Variants in CLIP1 observed in about 807,000 individuals in gnomAD.
The protein encoded by CLIP1 is CAP-Gly domain-containing linker protein 1.
CLIP1 carries 66 observed loss-of-function variants against 161.6 expected under a neutral mutation model. That is an observed-to-expected ratio of 0.41 (90% CI 0.33 to 0.50). CLIP1 has a LOEUF of 0.50. CLIP1 is among the 20% of genes least tolerant of loss of function. The pLI is 0.27. For synonymous variants in CLIP1, 598 were observed against 626.2 expected (o/e 0.96, Z 0.67); for missense variants, 1,376 against 1,702.0 (o/e 0.81, Z 3.37).
chr12:122,334,965 A>G (rs1017123541), intron 12 of CLIP1, among the ~76,000 whole-genome samples: 1 of 152,210 alleles, frequency 6.6e-6, no homozygotes, highest in African/African-American at 2.4e-5. Context: ...CCATGTAGGC[A>G]TGTTCGTACT....
At chr12:122,373,813 G>A (rs1272142130) in intron 3 of CLIP1, among the ~76,000 whole-genome samples, 9 of 151,992 alleles carry the variant, frequency 5.9e-5, no homozygotes, top group Admixed American at 2.6e-4. Context: ...TACAATCTAC[G>A]AAAGCATATT....
intron 10 of CLIP1, among the ~76,000 whole-genome samples, chr12:122,344,269 A>G (rs922483539): frequency 6.6e-6 from 1 of 152,236 alleles, no homozygotes; most frequent in Non-Finnish European, 1.5e-5. Flanking sequence ...TAAATATTTC[A>G]GAGCTGACTA....
chr12:122,357,568 G>GC (rs371070482), intron 5 of CLIP1, among the ~76,000 whole-genome samples: 29 of 129,696 alleles, frequency 2.2e-4, no homozygotes, highest in African/African-American at 3.9e-4. Flanking sequence ...GGGGGGGTCA[G>GC]CCCCCCCCGC....
intron 20 of CLIP1, among the ~76,000 whole-genome samples, chr12:122,289,828 G>C (rs1437728323): frequency 8.2e-6 from 1 of 122,244 alleles, no homozygotes; most frequent in Non-Finnish European, 1.8e-5. Flanking sequence ...TTTCTTTTTT[G>C]ATACAGAGTC....
rs1592976172 is a variant in CLIP1, at chr12:122,286,498, G to A, written c.3647+1991C>T. Among the ~76,000 whole-genome samples, 4 of 127,238 alleles carry A rather than the reference G, an allele frequency of 3.1e-5. No individual in the cohort carries two copies. The South Asian group carries it at 1.1e-3, about 35-fold the overall frequency. The allele number at this position is 127,238 out of a possible 152,430, so 83.5% of individuals were successfully genotyped here. A position where few individuals can be genotyped will look rare whatever the true frequency, so the allele number is the denominator to read the frequency against. ...ATCGCGCCACTGCACTCCAGCCTGG[G>A]TGATAGAGCAAGACTCTGTCTTAAA... On this transcript the variant is annotated intron_variant, in intron 21 of 25. Coordinates refer to ENST00000620786, the MANE Select transcript of CLIP1 (RefSeq NM_001247997.2).
intron 2 of CLIP1, among the ~76,000 whole-genome samples, chr12:122,379,069 G>A (rs1380077525): frequency 1.2e-4 from 18 of 151,990 alleles, no homozygotes; most frequent in African/African-American, 4.4e-4. Flanking sequence ...AGGTTGCAGT[G>A]AGCCGAAATC....
At position 122,315,079 on chromosome 12, in the gene CLIP1, A is replaced by G. The variant is rs192586185; in HGVS notation, c.3473+1670T>C. On this transcript the variant is annotated intron_variant, in intron 19 of 25. Coordinates refer to ENST00000620786, the MANE Select transcript of CLIP1 (RefSeq NM_001247997.2). Reference sequence around the variant, plus strand: ...GCATCCCCTCGCAGGAGCAGCTCAGATCACTCCCAGGAAAATTTTAAAACT... The same window carrying G: ...GCATCCCCTCGCAGGAGCAGCTCAGGTCACTCCCAGGAAAATTTTAAAACT... Among the ~76,000 whole-genome samples, 649 of 152,328 alleles carry G rather than the reference A, an allele frequency of 4.3e-3. 8 individuals are homozygous for G. The highest frequency in any genetic ancestry group is 0.015 in the African/African-American group (608 of 41,572).
Position 122,341,361 on chromosome 12 carries a change from C to T in CLIP1, c.1843G>A (p.Glu615Lys). The T allele has an allele frequency of 6.2e-7, 1 of 1,614,126 alleles. No individual in the cohort carries two copies. Among genetic ancestry groups the T allele is most frequent in the Admixed American group, 1.7e-5 (1 of 60,004 alleles). Residue 615 changes from glutamate (E) to lysine (K), a missense_variant, in exon 11 of 26, where the codon GAG becomes AAG. This residue lies in a region of CLIP1 where 948 missense variants were observed against 1,134.8 expected (regional missense o/e 0.84). Coordinates refer to ENST00000620786, the MANE Select transcript of CLIP1 (RefSeq NM_001247997.2). ...LKSKLEHANK[E>K]NSDVIALWKS... Reference sequence around the variant, plus strand: ...CATAGAGCTATCACATCTGAGTTCTCTTTGTTGGCATGCTCCAGCTTGCTT... The same window carrying T: ...CATAGAGCTATCACATCTGAGTTCTTTTTGTTGGCATGCTCCAGCTTGCTT...
At chr12:122,392,979 G>A (rs980303296) in intron 1 of CLIP1, among the ~76,000 whole-genome samples, 1 of 151,738 alleles carries the variant, frequency 6.6e-6, no homozygotes, top group African/African-American at 2.4e-5. Context: ...ACAGGGTTTC[G>A]CTATGTTGGC....
At chr12:122,277,441 CA>C (rs1277184699) in intron 24 of CLIP1, 1 of 151,826 alleles carries the variant, frequency 6.6e-6, no homozygotes, top group Non-Finnish European at 1.5e-5. Flanking sequence ...CTTGGCCTCC[CA>C]AAGTGCTGGA....
chr12:122,390,179 A>ATATATAT (rs1566213647), intron 1 of CLIP1, among the ~76,000 whole-genome samples: 3 of 118,194 alleles, frequency 2.5e-5, no homozygotes, highest in African/African-American at 4.4e-5. Flanking sequence ...TCAGATATAT[A>ATATATAT]TATATATATA....
At chr12:122,299,612 CAAAAAAAA>C (rs71082962) in intron 20 of CLIP1, among the ~76,000 whole-genome samples, 1 of 62,500 alleles carries the variant, frequency 1.6e-5, no homozygotes, top group East Asian at 5.8e-4. Context: ...ATAAATTCAG[CAAAAAAAA>C]AAAAAAAAAA....
At position 122,390,304 on chromosome 12, in the gene CLIP1, G is replaced by A. The variant is rs7977385; in HGVS notation, c.-106-9746C>T. On this transcript the variant is annotated intron_variant, in intron 1 of 25. Coordinates refer to ENST00000620786, the MANE Select transcript of CLIP1 (RefSeq NM_001247997.2). ...CATATATATATATATATATATATAT[G>A]TATATATATATATATTATTTTTTTT... 7.2e-3 allele frequency among the ~76,000 whole-genome samples: 632 copies of A among 87,884 alleles called. 3 individuals carry two copies. The highest frequency in any genetic ancestry group is 0.017 in the African/African-American group (433 of 25,024). The allele number at this position is 87,884 out of a possible 152,430, so 57.7% of individuals were successfully genotyped here.
rs974492801 is a variant in CLIP1, at chr12:122,377,576, A to G, written c.470T>C (p.Val157Ala). 3.1e-6 allele frequency: 5 copies of G among 1,613,796 alleles called. No individual in the cohort carries two copies. Among genetic ancestry groups the G allele is most frequent in the Non-Finnish European group, 4.2e-6 (5 of 1,180,018 alleles). The part of the protein sequence containing the change: ...SPLCTSTASM[V>A]SSSPSTPSNI... The stretch of plus-strand genomic sequence containing the variant: ...TGAAGGGGTGGAGGGGGAGGAAGAC[A>G]CCATGCTGGCCGTAGAAGTGCACAG... Residue 157 changes from valine to alanine, a missense_variant, in exon 3 of 26, where the codon GTG (valine) becomes GCG (alanine). Physicochemically the swap from Val to Ala is moderately conservative, Grantham distance 64. Coordinates refer to ENST00000620786, the MANE Select transcript of CLIP1 (RefSeq NM_001247997.2).
Position 122,319,342 on chromosome 12 carries a change from G to T in CLIP1, c.3256C>A (p.Gln1086Lys), listed in dbSNP as rs1951392572. The change falls in exon 18 of 26, where the codon CAA becomes AAA. Residue 1086 changes from glutamine (Q) to lysine (K), a missense_variant. This residue lies in a region of CLIP1 where 948 missense variants were observed against 1,134.8 expected (regional missense o/e 0.84). Transcript: ENST00000620786. Reference sequence around the variant, plus strand: ...ATCTGCATGGCATCTTCCGCTGTTTGAGCAGCCTAAATACAAGGAAACACT... The same window carrying T: ...ATCTGCATGGCATCTTCCGCTGTTTTAGCAGCCTAAATACAAGGAAACACT... ...RKQADKAKAAQTAEDAMQIME... is the reference protein window; with the variant it reads ...RKQADKAKAAKTAEDAMQIME... 2 of 1,612,462 alleles carry T rather than the reference G, an allele frequency of 1.2e-6. No individual in the cohort carries two copies. Among genetic ancestry groups the T allele is most frequent in the Admixed American group, 1.7e-5 (1 of 59,994 alleles).
intron 21 of CLIP1, chr12:122,280,656 G>A (rs1955611358): frequency 6.6e-6 from 1 of 152,212 alleles, no homozygotes; most frequent in South Asian, 2.1e-4. Flanking sequence ...AGGGGCCTCT[G>A]GGGGAAGGTC....
intron 20 of CLIP1, among the ~76,000 whole-genome samples, chr12:122,307,248 C>T (rs1471017021): frequency 6.6e-6 from 1 of 151,978 alleles, no homozygotes; most frequent in Non-Finnish European, 1.5e-5. Context: ...ACCTCATGAT[C>T]CACCCGCCTC....
In CLIP1 at chr12:122,327,946, C is replaced by T. The variant is rs1271528702; in HGVS notation, c.3249+1G>A. 6.2e-7 allele frequency: 1 copy of T among 1,613,970 alleles called. No homozygotes were observed. Among genetic ancestry groups the T allele is most frequent in the East Asian group, 2.2e-5 (1 of 44,866 alleles). ...CAAGGAAATTCTCTCGCGTCACGTACTTTGGCTTTGTCGGCTTGCTTTCTC... is the reference window on the plus strand; with the variant it reads ...CAAGGAAATTCTCTCGCGTCACGTATTTTGGCTTTGTCGGCTTGCTTTCTC... On this transcript the variant is annotated splice_donor_variant, in intron 17 of 25. Coordinates refer to ENST00000620786, the MANE Select transcript of CLIP1 (RefSeq NM_001247997.2). LOFTEE classifies it high-confidence loss of function.
At chr12:122,371,898 T>G (rs148280307) in intron 3 of CLIP1, among the ~76,000 whole-genome samples, 202 of 152,348 alleles carry the variant, frequency 1.3e-3, no homozygotes, top group African/African-American at 4.8e-3. Flanking sequence ...GCAGCTTCTC[T>G]GCAGCAGCAT....
Sources: allele counts gnomAD v4.1 joint callset (sites outside exome capture counted in the v4.1 genomes callset), GRCh38; gene constraint gnomAD v4.1.1; regional missense constraint gnomAD v4.1.1; transcripts MANE v1.5; gene names NCBI Gene and HGNC (gene_info 2026-07-23, HGNC 2026-07-21).